The following NTM variants were observed in gnomAD, a reference collection of about 807,000 sequenced individuals.
The protein encoded by NTM is neurotrimin, also known as IgLON family member 2.
Under a neutral mutation model 42.1 loss-of-function variants are expected in NTM, and 13 were observed. The ratio of observed to expected loss-of-function variants is 0.31; its 90% confidence interval spans 0.20 to 0.49. The LOEUF is 0.49. Ranked by LOEUF, NTM falls within the 20% of genes least tolerant of loss-of-function variation. The pLI is 0.99. For missense variants in NTM, 373 were observed against 452.8 expected (o/e 0.82, Z 1.60); for synonymous variants, 187 against 179.2 (o/e 1.04, Z -0.35).
intron 2 of NTM, among the ~76,000 whole-genome samples, chr11:132,122,151 TG>T (rs2136940577): frequency 6.6e-6 from 1 of 152,296 alleles, no homozygotes; most frequent in South Asian, 2.1e-4. Context: ...GCACTCGGTG[TG>T]GGCCTTTGCT....
intron 2 of NTM, among the ~76,000 whole-genome samples, chr11:132,096,561 T>C (rs138828805): frequency 1.9e-3 from 296 of 152,264 alleles, no homozygotes; most frequent in African/African-American, 6.7e-3. Context: ...TTACAAGCAA[T>C]GTAACTCCCC....
Position 132,335,169 on chromosome 11 carries a change from G to T in NTM, c.*23G>T. ...TGATGTGAGTGCCACTTCCCCACCC[G>T]GGAAAGGCTGCCGCCACCACCACCA... On this transcript the variant is annotated 3_prime_UTR_variant, in exon 9 of 9. Coordinates refer to ENST00000683400, the MANE Select transcript of NTM (RefSeq NM_001352005.2). 1 of 1,610,088 alleles carries T rather than the reference G, an allele frequency of 6.2e-7. No homozygotes were observed. The highest frequency in any genetic ancestry group is 8.5e-7 in the Non-Finnish European group (1 of 1,179,534).
intron 1 of NTM, among the ~76,000 whole-genome samples, chr11:131,762,415 G>T (rs2084353758): frequency 1.3e-5 from 2 of 152,224 alleles, no homozygotes; most frequent in Admixed American, 1.3e-4. Flanking sequence ...ACGACAGAGG[G>T]TTTGAGTTCT....
At chr11:131,651,861 GAA>G (rs200186786) in intron 1 of NTM, among the ~76,000 whole-genome samples, 3 of 41,918 alleles carry the variant, frequency 7.2e-5, no homozygotes, top group Non-Finnish European at 9.7e-5. Context: ...CCCAAAAAAA[GAA>G]AAAAAAAAAT....
intron 1 of NTM, among the ~76,000 whole-genome samples, chr11:131,479,505 G>T (rs1953317059): frequency 6.6e-6 from 1 of 152,180 alleles, no homozygotes; most frequent in Admixed American, 6.5e-5. Context: ...GGTCGCCTAA[G>T]GTGGAAGGAA....
At chr11:131,406,869 T>G (rs10736597) in intron 1 of NTM, among the ~76,000 whole-genome samples, 86,956 of 152,024 alleles carry the variant, frequency 0.57, 26,055 homozygotes, top group East Asian at 0.87. Context: ...TCTAGGGAAA[T>G]GGATAAATGT....
chr11:131,606,477 G>C (rs117620067), intron 1 of NTM, among the ~76,000 whole-genome samples: 1 of 152,356 alleles, frequency 6.6e-6, no homozygotes, highest in East Asian at 1.9e-4. Flanking sequence ...GATAGATGCT[G>C]AGTGATTCCT....
intron 3 of NTM, among the ~76,000 whole-genome samples, chr11:132,205,998 C>G (rs545440345): frequency 5.3e-5 from 8 of 152,246 alleles, no homozygotes; most frequent in African/African-American, 1.4e-4. Context: ...CATTCCTGCT[C>G]GACCCCATCT....
chr11:131,666,997 A>G (rs1313184737), intron 1 of NTM, among the ~76,000 whole-genome samples: 1 of 152,146 alleles, frequency 6.6e-6, no homozygotes, highest in Admixed American at 6.5e-5. Flanking sequence ...TTGGAGGCCT[A>G]GGGGACCCTA....
At chr11:131,816,296 G>T (rs1490287277) in intron 1 of NTM, among the ~76,000 whole-genome samples, 1 of 152,152 alleles carries the variant, frequency 6.6e-6, no homozygotes, top group Admixed American at 6.5e-5. Context: ...GGGTCATGTG[G>T]CATAGCCTGG....
chr11:132,272,236 A>G (rs2093515147), intron 4 of NTM, among the ~76,000 whole-genome samples: 2 of 152,152 alleles, frequency 1.3e-5, no homozygotes, highest in South Asian at 4.2e-4. Flanking sequence ...CCATTGTTCT[A>G]TGTATTTCTC....
intron 6 of NTM, among the ~76,000 whole-genome samples, chr11:132,311,514 A>T (rs1372784814): frequency 6.6e-6 from 1 of 152,192 alleles, no homozygotes; most frequent in East Asian, 1.9e-4. Flanking sequence ...AATCAAGCAG[A>T]CTGGAGCGTG....
intron 1 of NTM, among the ~76,000 whole-genome samples, chr11:131,873,389 G>C (rs1019739988): frequency 2.7e-4 from 41 of 151,354 alleles, no homozygotes; most frequent in African/African-American, 9.5e-4. Flanking sequence ...GAGATACAGC[G>C]TTAGGAGAAA....
At chr11:131,420,732 GC>G (rs1440929402) in intron 1 of NTM, among the ~76,000 whole-genome samples, 2 of 152,146 alleles carry the variant, frequency 1.3e-5, no homozygotes, top group African/African-American at 2.4e-5. Context: ...AAGTGGGTGG[GC>G]TCAGGAGACA....
rs187317002 is a variant in NTM at position 131,685,887 on chromosome 11, T to C, written c.83-225677T>C. Reference sequence around the variant, plus strand: ...ATAAGTTTTTAGAATCAAGTCATGGTAACTAGAGGGTTTTTCCAGCTCTGA... The same window carrying C: ...ATAAGTTTTTAGAATCAAGTCATGGCAACTAGAGGGTTTTTCCAGCTCTGA... On this transcript the variant is annotated intron_variant, in intron 1 of 8. Transcript: ENST00000683400. Among the ~76,000 whole-genome samples the C allele has an allele frequency of 2.6e-5, 4 of 152,302 alleles. No individual in the cohort carries two copies. In the East Asian group the frequency reaches 7.7e-4, roughly 29 times the overall value.
intron 1 of NTM, among the ~76,000 whole-genome samples, chr11:131,849,241 C>T (rs760636698): frequency 6.6e-6 from 1 of 152,108 alleles, no homozygotes; most frequent in Non-Finnish European, 1.5e-5. Flanking sequence ...TCAAGTAGAA[C>T]TATATTAGGC....
intron 1 of NTM, among the ~76,000 whole-genome samples, chr11:131,458,637 TTATCTC>T (rs1951111503): frequency 1.3e-5 from 2 of 152,228 alleles, no homozygotes; most frequent in South Asian, 4.1e-4. Flanking sequence ...CATTTGTGTC[TTATCTC>T]TAGCACCTAG....
intron 3 of NTM, among the ~76,000 whole-genome samples, chr11:132,165,071 G>A (rs1299695268): frequency 1.3e-5 from 2 of 152,124 alleles, no homozygotes; most frequent in African/African-American, 2.4e-5. Flanking sequence ...ACCCAGGCCT[G>A]GGGCTTTACC....
chr11:131,653,852 A>G (rs2066831092), intron 1 of NTM, among the ~76,000 whole-genome samples: 1 of 152,214 alleles, frequency 6.6e-6, no homozygotes, highest in Non-Finnish European at 1.5e-5. Context: ...GAAATTATAT[A>G]ATTTCATGCA....
Sources: allele counts gnomAD v4.1 joint callset (sites outside exome capture counted in the v4.1 genomes callset), GRCh38; gene constraint gnomAD v4.1.1; transcripts MANE v1.5; gene names NCBI Gene and HGNC (gene_info 2026-07-23, HGNC 2026-07-21).